The following DPP10 variants were observed in gnomAD, a reference collection of about 807,000 sequenced individuals.
DPP10 encodes the protein dipeptidyl peptidase like 10, also known as inactive dipeptidyl peptidase 10.
DPP10 carries 33 observed loss-of-function variants against 120.9 expected under a neutral mutation model. That is an observed-to-expected ratio of 0.27 (90% CI 0.21 to 0.37). DPP10 has a LOEUF of 0.37. Ranked by LOEUF, DPP10 falls within the 10% of genes least tolerant of loss-of-function variation. The pLI, the probability that DPP10 is intolerant of heterozygous loss-of-function variation, is 1.00. For missense variants in DPP10, 816 were observed against 942.8 expected, an observed-to-expected ratio of 0.87 and a Z score of 1.76; for synonymous variants, 337 against 326.1, an observed-to-expected ratio of 1.03 and a Z score of -0.36.
At chr2:114,914,893 A>G (rs1012251569) in intron 1 of DPP10, among the ~76,000 whole-genome samples, 5 of 152,188 alleles carry the variant, frequency 3.3e-5, no homozygotes, top group African/African-American at 9.7e-5. Flanking sequence ...GCACTTTGGG[A>G]GGCCGAGGCG....
intron 1 of DPP10, among the ~76,000 whole-genome samples, chr2:115,054,765 G>T (rs1297419362): frequency 1.3e-5 from 2 of 152,014 alleles, no homozygotes; most frequent in East Asian, 3.9e-4. Flanking sequence ...ACAAAAATTA[G>T]CCAGGCGTGG....
At chr2:114,881,457 G>GTCTATCTA (rs56811813) in intron 1 of DPP10, among the ~76,000 whole-genome samples, 56,172 of 144,006 alleles carry the variant, frequency 0.39, 11,721 homozygotes, top group East Asian at 0.49. Flanking sequence ...CTGTCTGTCT[G>GTCTATCTA]TCTATCTATC....
chr2:115,338,257 G>T (rs549914348), intron 2 of DPP10, among the ~76,000 whole-genome samples: 4 of 152,090 alleles, frequency 2.6e-5, no homozygotes, highest in Non-Finnish European at 4.4e-5. Flanking sequence ...AACGTGCTTG[G>T]TTGGATTTTG....
intron 1 of DPP10, among the ~76,000 whole-genome samples, chr2:114,508,825 G>C (rs958316555): frequency 1.3e-5 from 2 of 152,110 alleles, no homozygotes; most frequent in Non-Finnish European, 2.9e-5. Context: ...AGCTGTGGTA[G>C]ACACCTGCCT....
intron 5 of DPP10, among the ~76,000 whole-genome samples, chr2:115,592,039 C>CCCCTACCTA (rs1399466304): frequency 6.6e-6 from 1 of 152,108 alleles, no homozygotes; most frequent in Non-Finnish European, 1.5e-5. Context: ...TGATCTTTTC[C>CCCCTACCTA]CCCTACCTAC....
At chr2:114,875,731 A>C (rs948591823) in intron 1 of DPP10, among the ~76,000 whole-genome samples, 1 of 152,150 alleles carries the variant, frequency 6.6e-6, no homozygotes, top group African/African-American at 2.4e-5. Context: ...GAATTACTAA[A>C]ATCCTTGGCA....
At chr2:114,562,988 A>G (rs1246066771) in intron 1 of DPP10, among the ~76,000 whole-genome samples, 1 of 152,234 alleles carries the variant, frequency 6.6e-6, no homozygotes, top group African/African-American at 2.4e-5. Flanking sequence ...GAAATATGCA[A>G]TAACATCTAC....
chr2:115,163,912 C>A (rs2052632207), intron 1 of DPP10, among the ~76,000 whole-genome samples: 2 of 152,170 alleles, frequency 1.3e-5, no homozygotes, highest in Non-Finnish European at 2.9e-5. Context: ...CACAACAAAT[C>A]CCCTTGTCAG....
intron 3 of DPP10, among the ~76,000 whole-genome samples, chr2:115,350,566 G>T (rs543132841): frequency 1.3e-5 from 2 of 152,154 alleles, no homozygotes; most frequent in African/African-American, 2.4e-5. Flanking sequence ...TTGTTATTCT[G>T]CCTGTGCCTT....
At chr2:114,450,316 C>T (rs192691188) in intron 1 of DPP10, among the ~76,000 whole-genome samples, 68 of 152,180 alleles carry the variant, frequency 4.5e-4, no homozygotes, top group Non-Finnish European at 7.2e-4. Flanking sequence ...CTTACCTAAT[C>T]GCCGATGTTC....
intron 1 of DPP10, among the ~76,000 whole-genome samples, chr2:115,173,212 C>CA (rs1453676499): frequency 6.6e-6 from 1 of 151,864 alleles, no homozygotes; most frequent in Admixed American, 6.6e-5. Flanking sequence ...ACAGCGAATC[C>CA]AAAAAAACTA....
At chr2:114,710,024 C>T (rs944601207) in intron 1 of DPP10, among the ~76,000 whole-genome samples, 2 of 152,204 alleles carry the variant, frequency 1.3e-5, no homozygotes. Flanking sequence ...CTCTTTTGAG[C>T]TTTTCCAGTA....
chr2:115,010,823 A>C (rs368092413), intron 1 of DPP10, among the ~76,000 whole-genome samples: 9 of 152,260 alleles, frequency 5.9e-5, no homozygotes, highest in African/African-American at 2.2e-4. Context: ...CAAACCTTCT[A>C]CTGTTGCCAG....
intron 1 of DPP10, among the ~76,000 whole-genome samples, chr2:115,088,622 T>A (rs1392368153): frequency 6.6e-6 from 1 of 151,432 alleles, no homozygotes. Context: ...TTTTTAAAAT[T>A]ATCTGTAGAG....
At chr2:115,277,675 A>C (rs1476139560) in intron 1 of DPP10, among the ~76,000 whole-genome samples, 1 of 151,920 alleles carries the variant, frequency 6.6e-6, no homozygotes, top group Non-Finnish European at 1.5e-5. Flanking sequence ...TTTTCTCTTC[A>C]GAAGTAGAAA....
intron 1 of DPP10, among the ~76,000 whole-genome samples, chr2:115,036,326 C>G (rs1704225678): frequency 6.6e-6 from 1 of 152,148 alleles, no homozygotes; most frequent in African/African-American, 2.4e-5. Context: ...GATTACAATT[C>G]AAGGTGAGAT....
chr2:114,874,292 T>G (rs1465612560), intron 1 of DPP10, among the ~76,000 whole-genome samples: 1 of 152,120 alleles, frequency 6.6e-6, no homozygotes, highest in African/African-American at 2.4e-5. Context: ...GATCAACTGC[T>G]CGAGATCACA....
intron 3 of DPP10, among the ~76,000 whole-genome samples, chr2:115,428,599 C>T (rs191243661): frequency 9.2e-5 from 14 of 152,114 alleles, no homozygotes; most frequent in Admixed American, 3.3e-4. Context: ...GATCTTGCAA[C>T]GACAGCACCA....
At chr2:115,263,759 C>T (rs777912417) in intron 1 of DPP10, among the ~76,000 whole-genome samples, 4 of 152,240 alleles carry the variant, frequency 2.6e-5, no homozygotes, top group South Asian at 2.1e-4. Flanking sequence ...GTTGCTCCAT[C>T]GGATTAGTAT....
Sources: gnomAD v4.1 joint callset for allele counts (sites outside exome capture counted in the v4.1 genomes callset) on GRCh38, gnomAD v4.1.1 for gene constraint, MANE v1.5 for transcripts, NCBI Gene and HGNC (gene_info 2026-07-23, HGNC 2026-07-21) for gene names.